LRP1B: variants seen among roughly 807,000 people sequenced by gnomAD.
LRP1B encodes the protein LDL receptor related protein 1B.
In LRP1B, 217 loss-of-function variants were observed where a neutral mutation model predicts 556.6. That is an observed-to-expected ratio of 0.39 (90% CI 0.35 to 0.44). LRP1B has a LOEUF of 0.44. Ranked by LOEUF, LRP1B falls within the 20% of genes least tolerant of loss-of-function variation. The probability of loss-of-function intolerance (pLI) is 1.00; values close to 1 mark genes in which losing one functional copy is unlikely to be tolerated. For missense variants in LRP1B, 5,053 were observed against 5,620.8 expected (o/e 0.90, Z 3.23); for synonymous variants, 2,047 against 1,865.8 (o/e 1.10, Z -2.50).
intron 16 of LRP1B, among the ~76,000 whole-genome samples, chr2:140,990,554 A>T (rs1445386781): frequency 8.2e-6 from 1 of 122,500 alleles, no homozygotes; most frequent in Non-Finnish European, 1.7e-5. Flanking sequence ...GAGATTCTGT[A>T]TTACTTAAAA....
chr2:141,800,700 C>T (rs1695980648), intron 2 of LRP1B, among the ~76,000 whole-genome samples: 1 of 152,110 alleles, frequency 6.6e-6, no homozygotes, highest in Admixed American at 6.6e-5. Context: ...TTATCATAAA[C>T]ATCATCTTCT....
chr2:142,124,268 G>A (rs1707561773), intron 1 of LRP1B, among the ~76,000 whole-genome samples: 1 of 151,640 alleles, frequency 6.6e-6, no homozygotes, highest in African/African-American at 2.4e-5. Flanking sequence ...TTTCCACTAA[G>A]GATACTTACA....
chr2:141,103,539 A>G (rs115713311), intron 7 of LRP1B, among the ~76,000 whole-genome samples: 1,100 of 75,400 alleles, frequency 0.015, 15 homozygotes, highest in African/African-American at 0.043. Context: ...TCTCTCTTAA[A>G]AAGTTCAGCT....
chr2:140,999,974 C>A (rs998739042), intron 15 of LRP1B, among the ~76,000 whole-genome samples: 5 of 151,986 alleles, frequency 3.3e-5, no homozygotes, highest in Non-Finnish European at 7.4e-5. Context: ...AGCAGTGGCA[C>A]ATACAATCAC....
chr2:142,011,109 T>C (rs1380704438), intron 1 of LRP1B, among the ~76,000 whole-genome samples: 2 of 152,224 alleles, frequency 1.3e-5, no homozygotes, highest in Non-Finnish European at 2.9e-5. Context: ...TCTGGCTTAC[T>C]TAAGTGTTGA....
At chr2:141,451,902 A>G (rs1341129218) in intron 3 of LRP1B, among the ~76,000 whole-genome samples, 1 of 152,170 alleles carries the variant, frequency 6.6e-6, no homozygotes, top group Non-Finnish European at 1.5e-5. Flanking sequence ...ACAAAGAAAA[A>G]CAATACATTC....
At chr2:142,115,572 T>TTATATATGTAATATATATTA in intron 1 of LRP1B, among the ~76,000 whole-genome samples, 1 of 36,320 alleles carries the variant, frequency 2.8e-5, no homozygotes, top group African/African-American at 1.1e-4. Context: ...GTAATATATA[T>TTATATATGTAATATATATTA]TATATATGTA....
At chr2:141,003,903 A>G (rs1697496360) in intron 15 of LRP1B, among the ~76,000 whole-genome samples, 1 of 152,088 alleles carries the variant, frequency 6.6e-6, no homozygotes, top group African/African-American at 2.4e-5. Context: ...ATAAATGCCA[A>G]TGATATATCA....
At chr2:140,269,215 G>GGCC (rs754091221) in intron 86 of LRP1B, 6 of 466,424 alleles carry the variant, frequency 1.3e-5, no homozygotes, top group Non-Finnish European at 2.7e-5. Flanking sequence ...AATGAACTGT[G>GGCC]GCCTGAAATG....
intron 86 of LRP1B, among the ~76,000 whole-genome samples, chr2:140,258,800 G>T (rs1011890545): frequency 3.3e-5 from 5 of 152,008 alleles, no homozygotes; most frequent in African/African-American, 1.2e-4. Flanking sequence ...CAGCGTAGAC[G>T]GTCCTCTATA....
chr2:141,076,750 G>T (rs2104872107), intron 7 of LRP1B, among the ~76,000 whole-genome samples: 1 of 152,250 alleles, frequency 6.6e-6, no homozygotes, highest in African/African-American at 2.4e-5. Context: ...TAGGTTCTGA[G>T]ACTACAACAG....
intron 3 of LRP1B, among the ~76,000 whole-genome samples, chr2:141,473,048 C>G (rs2105072780): frequency 6.6e-6 from 1 of 152,218 alleles, no homozygotes; most frequent in East Asian, 1.9e-4. Flanking sequence ...ACTTAGTTAG[C>G]TAGCTGCCCC....
intron 77 of LRP1B, among the ~76,000 whole-genome samples, chr2:140,338,049 G>T (rs1007883462): frequency 1.3e-5 from 2 of 150,420 alleles, no homozygotes; most frequent in Non-Finnish European, 3.0e-5. Flanking sequence ...CTAGGGTAAA[G>T]AACATGGATT....
chr2:141,645,586 C>G (rs926552829), intron 2 of LRP1B, among the ~76,000 whole-genome samples: 3 of 143,586 alleles, frequency 2.1e-5, no homozygotes, highest in Non-Finnish European at 4.5e-5. Context: ...TTTAAAACAA[C>G]TAATCTTTCA....
chr2:141,476,145 T>C (rs1170166949), intron 3 of LRP1B, among the ~76,000 whole-genome samples: 1 of 152,126 alleles, frequency 6.6e-6, no homozygotes, highest in East Asian at 1.9e-4. Context: ...CTCCCCTTCC[T>C]GGAAGGGGTT....
rs974911206 is a variant in LRP1B at position 140,652,031 on chromosome 2, C to CA, written c.6799+48218dup. ...TGCCTGATATTTAAAGTTCATAGAA[C>CA]AAAAAAAATGTAAGTTTAAGAGATT... On this transcript the variant is annotated intron_variant, in intron 41 of 90. Coordinates refer to ENST00000389484, the MANE Select transcript of LRP1B (RefSeq NM_018557.3). Among the ~76,000 whole-genome samples the CA allele has an allele frequency of 8.1e-5, 12 of 148,928 alleles. 1 individual carries two copies. The highest frequency in any genetic ancestry group is 5.9e-4 in the East Asian group (3 of 5,090).
chr2:141,746,291 G>T (rs1020007413), intron 2 of LRP1B, among the ~76,000 whole-genome samples: 2 of 152,130 alleles, frequency 1.3e-5, no homozygotes. Flanking sequence ...TTAGCCCACA[G>T]TGACGGGGCT....
At chr2:141,856,585 A>G (rs561442672) in intron 1 of LRP1B, among the ~76,000 whole-genome samples, 51 of 152,292 alleles carry the variant, frequency 3.3e-4, no homozygotes, top group African/African-American at 1.2e-3. Flanking sequence ...CCAGACTTCA[A>G]CTATTTTTGT....
chr2:141,774,320 G>A (rs890272915), intron 2 of LRP1B, among the ~76,000 whole-genome samples: 2 of 152,216 alleles, frequency 1.3e-5, no homozygotes, highest in South Asian at 4.1e-4. Flanking sequence ...TTCTGGTGAG[G>A]CCCTCCAGAA....
Sources: allele counts gnomAD v4.1 joint callset (sites outside exome capture counted in the v4.1 genomes callset), GRCh38; gene constraint gnomAD v4.1.1; transcripts MANE v1.5; gene names NCBI Gene and HGNC (gene_info 2026-07-23, HGNC 2026-07-21).